Variants in TANC2 observed in about 807,000 individuals in gnomAD.
TANC2 encodes the protein protein TANC2.
In TANC2, 26 loss-of-function variants were observed where a neutral mutation model predicts 210.5. That is an observed-to-expected ratio of 0.12 (90% CI 0.09 to 0.17). The LOEUF is 0.17. Ranked by LOEUF, TANC2 falls within the 10% of genes least tolerant of loss-of-function variation. The probability of loss-of-function intolerance (pLI) is 1.00; values close to 1 mark genes in which losing one functional copy is unlikely to be tolerated. For missense variants in TANC2, 2,129 were observed against 2,608.9 expected, an observed-to-expected ratio of 0.82 and a Z score of 4.01; for synonymous variants, 931 against 967.1, an observed-to-expected ratio of 0.96 and a Z score of 0.69.
intron 9 of TANC2, among the ~76,000 whole-genome samples, chr17:63,284,151 T>G (rs2044149605): frequency 6.6e-6 from 1 of 151,858 alleles, no homozygotes; most frequent in Non-Finnish European, 1.5e-5. Context: ...TTGTTGATAC[T>G]TTTTTTTCAA....
chr17:62,970,503 A>C (rs1170161014), intron 1 of TANC2, among the ~76,000 whole-genome samples: 1 of 148,904 alleles, frequency 6.7e-6, no homozygotes, highest in Admixed American at 6.7e-5. Context: ...TCTTTTCCCC[A>C]TAACTGCCTT....
chr17:63,064,109 G>T (rs2036107544), intron 2 of TANC2, among the ~76,000 whole-genome samples: 1 of 152,046 alleles, frequency 6.6e-6, no homozygotes, highest in African/African-American at 2.4e-5. Flanking sequence ...AAAAGTAAAA[G>T]TAATTTGGTT....
chr17:63,267,641 AT>A, intron 8 of TANC2, 106 bp from the exon 9 acceptor site: 19 of 1,060,280 alleles, frequency 1.8e-5, no homozygotes, highest in Non-Finnish European at 2.2e-5. Context: ...TTGCATATAT[AT>A]TTTTTGGCTG....
intron 4 of TANC2, among the ~76,000 whole-genome samples, chr17:63,110,307 A>T (rs1434624899): frequency 6.6e-6 from 1 of 151,640 alleles, no homozygotes; most frequent in South Asian, 2.1e-4. Flanking sequence ...GATTATGTGT[A>T]TTTTAACTTG....
rs534227866 is a variant in TANC2 at position 63,085,263 on chromosome 17, A to G, written c.139+11249A>G. 1.3e-4 allele frequency among the ~76,000 whole-genome samples: 20 copies of G among 152,204 alleles called. 1 individual carries two copies. In the South Asian group the frequency reaches 3.3e-3, roughly 25 times the overall value. On this transcript the variant is annotated intron_variant, in intron 3 of 27. Transcript: ENST00000689528. ...TTAGTTGGGTCTGTTTTTTTGACCC[A>G]TTGTTACAATCTCTGACTTTTAATT...
chr17:63,398,166 C>T (rs552584197), intron 18 of TANC2, among the ~76,000 whole-genome samples: 100 of 152,166 alleles, frequency 6.6e-4, no homozygotes, highest in African/African-American at 2.3e-3. Flanking sequence ...AACACAGGGC[C>T]AGATGCAGTG....
intron 3 of TANC2, among the ~76,000 whole-genome samples, chr17:63,076,107 A>C (rs1204714731): frequency 1.3e-5 from 2 of 152,160 alleles, no homozygotes; most frequent in Admixed American, 1.3e-4. Context: ...ATGCAGTGAC[A>C]ATTGGTTGAA....
chr17:63,068,889 A>T (rs896711386), intron 2 of TANC2, among the ~76,000 whole-genome samples: 5 of 152,174 alleles, frequency 3.3e-5, no homozygotes, highest in Non-Finnish European at 7.4e-5. Context: ...ACGTAATATA[A>T]ACATTTGTGG....
chr17:63,170,017 G>A (rs1291276654), intron 5 of TANC2, among the ~76,000 whole-genome samples: 1 of 151,666 alleles, frequency 6.6e-6, no homozygotes, highest in East Asian at 1.9e-4. Flanking sequence ...TACTCGGGAG[G>A]CTGAGGCAGG....
At chr17:63,274,292 A>G (rs943054020) in intron 9 of TANC2, among the ~76,000 whole-genome samples, 3 of 152,056 alleles carry the variant, frequency 2.0e-5, no homozygotes, top group Non-Finnish European at 4.4e-5. Context: ...ACCCGGCCCA[A>G]CGGGGGAGAG....
At chr17:63,237,377 C>T (rs549840490) in intron 7 of TANC2, among the ~76,000 whole-genome samples, 4 of 152,148 alleles carry the variant, frequency 2.6e-5, no homozygotes, top group African/African-American at 9.6e-5. Context: ...TTAGTCCTGT[C>T]AGATGTATAG....
chr17:63,381,447 G>C (rs1166220344), intron 15 of TANC2: 1 of 152,218 alleles, frequency 6.6e-6, no homozygotes, highest in African/African-American at 2.4e-5. Flanking sequence ...GTTCCCTGTT[G>C]AGAGGCTTTA....
At chr17:63,121,970 C>T (rs572379197) in intron 4 of TANC2, among the ~76,000 whole-genome samples, 17 of 21,448 alleles carry the variant, frequency 7.9e-4, no homozygotes, top group South Asian at 3.0e-3. Flanking sequence ...TCATCTCTTG[C>T]GGGGGGAGGG....
At chr17:63,382,095 A>G (rs1227876084) in intron 15 of TANC2, among the ~76,000 whole-genome samples, 4 of 152,220 alleles carry the variant, frequency 2.6e-5, no homozygotes, top group Non-Finnish European at 5.9e-5. Context: ...CTTCACAGGA[A>G]CAAAGGGTCA....
intron 12 of TANC2, among the ~76,000 whole-genome samples, chr17:63,345,286 T>A (rs770046707): frequency 6.6e-5 from 10 of 152,156 alleles, no homozygotes; most frequent in Non-Finnish European, 1.5e-4. Flanking sequence ...TAAATGAGGA[T>A]TGGAAGATGT....
At chr17:63,417,977 T>C (rs1158435196) in intron 26 of TANC2, among the ~76,000 whole-genome samples, 1 of 152,224 alleles carries the variant, frequency 6.6e-6, no homozygotes, top group Non-Finnish European at 1.5e-5. Flanking sequence ...CCTACATGCA[T>C]GGATAACTTC....
chr17:63,411,450 T>A, intron 21 of TANC2, 61 bp from the exon 22 acceptor site: 1 of 1,509,024 alleles, frequency 6.6e-7, no homozygotes, highest in Non-Finnish European at 8.9e-7. Flanking sequence ...TTCAGCGTAC[T>A]TCCCCTCCTG....
intron 1 of TANC2, among the ~76,000 whole-genome samples, chr17:63,000,968 C>CAA (rs3060700): frequency 2.5e-4 from 30 of 121,984 alleles, no homozygotes; most frequent in East Asian, 6.4e-4. Context: ...TTAGAACTAG[C>CAA]AAAAAAAAAA....
chr17:63,227,933 G>C (rs909579392), intron 7 of TANC2, among the ~76,000 whole-genome samples: 1 of 151,758 alleles, frequency 6.6e-6, no homozygotes, highest in Non-Finnish European at 1.5e-5. Context: ...CTGCAATCTC[G>C]GCTCACGGCA....
Sources: gnomAD v4.1 joint callset for allele counts (sites outside exome capture counted in the v4.1 genomes callset) on GRCh38, gnomAD v4.1.1 for gene constraint, MANE v1.5 for transcripts, NCBI Gene and HGNC (gene_info 2026-07-23, HGNC 2026-07-21) for gene names.